Variants in ATP1A4 observed in about 807,000 individuals in gnomAD.
The protein encoded by ATP1A4 is sodium/potassium-transporting ATPase subunit alpha-4.
ATP1A4 carries 90 observed loss-of-function variants against 114.3 expected under a neutral mutation model. That is an observed-to-expected ratio of 0.79 (90% CI 0.66 to 0.94). The LOEUF (loss-of-function observed/expected upper bound fraction) is 0.94. Among genes scored for constraint, ATP1A4 ranks in the 40% least tolerant of loss-of-function variants. The pLI is 0.00. For synonymous variants in ATP1A4, 511 were observed against 494.1 expected, an observed-to-expected ratio of 1.03 and a Z score of -0.45; for missense variants, 1,222 against 1,313.6, an observed-to-expected ratio of 0.93 and a Z score of 1.08.
At chr1:160,165,482 G>A (rs1447886151) in intron 7 of ATP1A4, among the ~76,000 whole-genome samples, 1 of 152,188 alleles carries the variant, frequency 6.6e-6, no homozygotes, top group African/African-American at 2.4e-5. Context: ...TTGGTCTGCC[G>A]GGCGCGGTGG....
At position 160,166,162 on chromosome 1, in the gene ATP1A4, C is replaced by A. The variant is rs1256841601; in HGVS notation, c.1048-366C>A. Among the ~76,000 whole-genome samples the A allele has an allele frequency of 2.0e-5, 3 of 152,084 alleles. No individual in the cohort carries two copies. The South Asian group carries it at 6.2e-4, about 32-fold the overall frequency. ...GTGCATGCCTGTAGTCTGAGCTACT[C>A]GGGAGCCTGAGGCAGAAGAATTGCT... On this transcript the variant is annotated intron_variant, in intron 7 of 21. Coordinates refer to ENST00000368081, the MANE Select transcript of ATP1A4 (RefSeq NM_144699.4).
intron 2 of ATP1A4, 24 bp downstream of exon 2, chr1:160,153,248 G>A (rs1652521900): frequency 6.2e-7 from 1 of 1,605,446 alleles, no homozygotes; most frequent in African/African-American, 1.3e-5. Flanking sequence ...TCCCTGAGGA[G>A]GCAGAGAGTC....
intron 1 of ATP1A4, among the ~76,000 whole-genome samples, 190 bp from the exon 2 acceptor site, chr1:160,152,975 G>C (rs1652509519): frequency 6.6e-6 from 1 of 152,114 alleles, no homozygotes; most frequent in Non-Finnish European, 1.5e-5. Context: ...AGGTTGCAGT[G>C]AGTCGAAATC....
intron 8 of ATP1A4, 41 bp from the exon 9 acceptor site, chr1:160,166,927 T>C (rs1426611943): frequency 6.3e-7 from 1 of 1,598,500 alleles, no homozygotes; most frequent in South Asian, 1.1e-5. Flanking sequence ...TGCTTAAAAT[T>C]CTCATTCCCT....
intron 10 of ATP1A4, among the ~76,000 whole-genome samples, chr1:160,167,648 T>C (rs1653092510): frequency 6.6e-6 from 1 of 152,200 alleles, no homozygotes; most frequent in African/African-American, 2.4e-5. Context: ...ATCTGAGCTC[T>C]GCCACTTGGG....
At chr1:160,176,299 C>T in intron 16 of ATP1A4, 53 bp downstream of exon 16, 10 of 1,608,622 alleles carry the variant, frequency 6.2e-6, no homozygotes, top group Admixed American at 1.7e-5. Context: ...CTCCTAAGCT[C>T]CCTGCTTTCT....
At position 160,176,510 on chromosome 1, in the gene ATP1A4, C is replaced by T; in HGVS notation, c.2498C>T (p.Ala833Val). The change falls in exon 17 of 22, where the codon GCT becomes GTT. Residue 833 changes from alanine (A) to valine (V), a missense_variant. Transcript: ENST00000368081. ...VPAISLAYESAESDIMKRLPR... is the reference protein window; with the variant it reads ...VPAISLAYESVESDIMKRLPR... ...GCCATCTCCTTGGCTTATGAGTCAG[C>T]TGAAAGCGACATCATGAAGAGGCTT... 6.2e-7 allele frequency: 1 copy of T among 1,614,184 alleles called. No individual in the cohort carries two copies. The highest frequency in any genetic ancestry group is 1.1e-5 in the South Asian group (1 of 91,084).
chr1:160,155,325 C>G, intron 3 of ATP1A4, 77 bp downstream of exon 3: 1 of 1,176,194 alleles, frequency 8.5e-7, no homozygotes, highest in Non-Finnish European at 1.2e-6. Flanking sequence ...CAGCCTAGCA[C>G]TCCTGAAGTC....
intron 12 of ATP1A4, 24 bp from the exon 13 acceptor site, chr1:160,173,557 T>G (rs780031724): frequency 6.2e-7 from 1 of 1,610,068 alleles, no homozygotes; most frequent in Admixed American, 1.7e-5. Flanking sequence ...ATTCTGCTCC[T>G]CTTCCCTCTC....
chr1:160,172,785 G>T (rs994577734), intron 12 of ATP1A4, among the ~76,000 whole-genome samples: 12 of 152,256 alleles, frequency 7.9e-5, no homozygotes, highest in African/African-American at 2.9e-4. Context: ...GTTTGTCCAG[G>T]GTCAGTCTGG....
chr1:160,177,652 C>G lies in ATP1A4; in HGVS notation c.2724C>G (p.Tyr908Ter), dbSNP rs555177353. 3.1e-6 allele frequency: 5 copies of G among 1,614,106 alleles called. No homozygotes were observed. The highest frequency in any genetic ancestry group is 1.7e-5 in the Admixed American group (1 of 60,008). Residue 908 changes from tyrosine (Y) to a stop codon, truncating the protein, a stop_gained, in exon 18 of 22, where the codon TAC (tyrosine) becomes TAG (stop). Coordinates refer to ENST00000368081, the MANE Select transcript of ATP1A4 (RefSeq NM_144699.4). LOFTEE classifies it high-confidence loss of function. ...DKYLNDLEDS[Y>*]GQQWTYEQRK... ...ACTTGAATGACCTGGAGGACAGCTA[C>G]GGACAGCAGTGGGTGAGTAGAAGGG...
intron 12 of ATP1A4, among the ~76,000 whole-genome samples, chr1:160,172,346 T>A (rs188357830): frequency 1.4e-3 from 215 of 152,176 alleles, no homozygotes; most frequent in Admixed American, 4.0e-3. Flanking sequence ...GACCAGGCAA[T>A]AGTGAGAATG....
At chr1:160,152,601 A>G (rs1238000229) in intron 1 of ATP1A4, among the ~76,000 whole-genome samples, 1 of 152,182 alleles carries the variant, frequency 6.6e-6, no homozygotes, top group East Asian at 1.9e-4. Context: ...TTTGCCCAGC[A>G]GGATGTGATA....
At chr1:160,176,334 C>T (rs1653462578) in intron 16 of ATP1A4, 88 bp downstream of exon 16, 2 of 1,589,274 alleles carry the variant, frequency 1.3e-6, no homozygotes, top group East Asian at 4.5e-5. Context: ...TACTAAAACT[C>T]ATGACAACCC....
At chr1:160,181,096 A>T (rs78650309) in intron 18 of ATP1A4, among the ~76,000 whole-genome samples, 1 of 152,130 alleles carries the variant, frequency 6.6e-6, no homozygotes, top group Admixed American at 6.5e-5. Context: ...GCCATGCTAC[A>T]TGCCATCCAC....
At chr1:160,176,332 C>T (rs1653462498) in intron 16 of ATP1A4, 86 bp downstream of exon 16, 1 of 1,591,270 alleles carries the variant, frequency 6.3e-7, no homozygotes, top group Non-Finnish European at 8.6e-7. Context: ...CTTACTAAAA[C>T]TCATGACAAC....
intron 6 of ATP1A4, among the ~76,000 whole-genome samples, chr1:160,162,646 C>A (rs1344040074): frequency 1.3e-5 from 2 of 152,192 alleles, no homozygotes; most frequent in African/African-American, 4.8e-5. Flanking sequence ...CCAGTAGGAG[C>A]CTTCTCCCAC....
At chr1:160,174,818 C>T (rs1404066423) in intron 15 of ATP1A4, 71 bp downstream of exon 15, 6 of 1,589,370 alleles carry the variant, frequency 3.8e-6, no homozygotes, top group Non-Finnish European at 5.1e-6. Flanking sequence ...TACATCCCCT[C>T]TTTCCGTTTT....
chr1:160,173,681 C>T lies in ATP1A4; in HGVS notation c.1955C>T (p.Ala652Val), dbSNP rs1304591878. The change falls in exon 13 of 22, where the codon GCC becomes GTC. Residue 652 changes from alanine to valine, a missense_variant. By Grantham distance (64) the Ala-to-Val change is moderately conservative. Transcript: ENST00000368081. ...EGTETAEEVA[A>V]RLKIPISKVD... ...ACTGAGACGGCAGAGGAAGTCGCTG[C>T]CCGGCTTAAGATCCCTATCAGCAAG... 3 of 1,614,112 alleles carry T rather than the reference C, an allele frequency of 1.9e-6. No individual in the cohort carries two copies. Among genetic ancestry groups the T allele is most frequent in the South Asian group, 1.1e-5 (1 of 91,070 alleles).
Sources: allele counts gnomAD v4.1 joint callset (sites outside exome capture counted in the v4.1 genomes callset), GRCh38; gene constraint gnomAD v4.1.1; transcripts MANE v1.5; gene names NCBI Gene and HGNC (gene_info 2026-07-23, HGNC 2026-07-21).